RORA: variants seen among roughly 807,000 people sequenced by gnomAD.
The protein encoded by RORA is RAR related orphan receptor A.
In RORA, 7 loss-of-function variants were observed where a neutral mutation model predicts 69.5. The observed-to-expected ratio is 0.10, with a 90% CI of 0.06 to 0.19. RORA has a LOEUF of 0.19. Ranked by LOEUF, RORA falls within the 10% of genes least tolerant of loss-of-function variation. The pLI, the probability that RORA is intolerant of heterozygous loss-of-function variation, is 1.00. For synonymous variants in RORA, 261 were observed against 240.8 expected (o/e 1.08, Z -0.78); for missense variants, 457 against 663.0 (o/e 0.69, Z 3.41).
At chr15:60,896,315 CA>C (rs1406504766) in intron 1 of RORA, among the ~76,000 whole-genome samples, 2 of 152,172 alleles carry the variant, frequency 1.3e-5, no homozygotes, top group Non-Finnish European at 2.9e-5. Flanking sequence ...TCGTTGGTAC[CA>C]ATCAATGGAA....
At chr15:61,112,498 C>A (rs1465646673) in intron 1 of RORA, among the ~76,000 whole-genome samples, 22 of 151,960 alleles carry the variant, frequency 1.4e-4, no homozygotes, top group Admixed American at 1.4e-3. Flanking sequence ...GGTTTGGAGG[C>A]AAAGACAGGA....
intron 2 of RORA, among the ~76,000 whole-genome samples, chr15:60,579,103 T>G (rs2068116555): frequency 6.9e-6 from 1 of 145,748 alleles, no homozygotes; most frequent in South Asian, 2.2e-4. Flanking sequence ...AACTGCACAG[T>G]AATGAAGAAT....
chr15:61,034,062 T>G (rs987704959), intron 1 of RORA, among the ~76,000 whole-genome samples: 3 of 152,238 alleles, frequency 2.0e-5, no homozygotes, highest in African/African-American at 7.2e-5. Flanking sequence ...AAATTACATA[T>G]GCCACTTCCA....
At chr15:61,093,625 T>C (rs8042259) in intron 1 of RORA, among the ~76,000 whole-genome samples, 94,227 of 152,088 alleles carry the variant, frequency 0.62, 29,364 homozygotes, top group East Asian at 0.71. Flanking sequence ...TAAGTAAGCA[T>C]GCTCATCTGG....
At chr15:60,903,292 T>A (rs1891442011) in intron 1 of RORA, among the ~76,000 whole-genome samples, 1 of 152,224 alleles carries the variant, frequency 6.6e-6, no homozygotes, top group Non-Finnish European at 1.5e-5. Flanking sequence ...ACTCTTCTCA[T>A]TGCAGCTTCA....
intron 1 of RORA, among the ~76,000 whole-genome samples, chr15:61,054,640 T>A (rs186221483): frequency 6.6e-6 from 1 of 152,284 alleles, no homozygotes; most frequent in East Asian, 1.9e-4. Context: ...AGTATATTAT[T>A]TTAGATACTC....
chr15:61,029,642 A>G (rs1896038324), intron 1 of RORA, among the ~76,000 whole-genome samples: 1 of 152,176 alleles, frequency 6.6e-6, no homozygotes, highest in Non-Finnish European at 1.5e-5. Context: ...AAGATGTGTA[A>G]GATGTTAAAT....
Position 60,491,398 on chromosome 15 carries a change from T to C in RORA, c.*6057A>G, listed in dbSNP as rs1309969000. 1 of 152,152 alleles carries C rather than the reference T, an allele frequency of 6.6e-6. No individual in the cohort carries two copies. Among genetic ancestry groups the C allele is most frequent in the Non-Finnish European group, 1.5e-5 (1 of 68,010 alleles). 9.4% of individuals were successfully genotyped at this position (152,152 alleles called of 1,614,324 possible). A position where few individuals can be genotyped will look rare whatever the true frequency, so the allele number is the denominator to read the frequency against. The stretch of plus-strand genomic sequence containing the variant: ...TAAAAGAAGTGTGGTACTGCTAATG[T>C]GGCAAAGTACATTAAATGTAAACAG... On this transcript the variant is annotated 3_prime_UTR_variant, in exon 11 of 11. Coordinates refer to ENST00000335670, the MANE Select transcript of RORA (RefSeq NM_134261.3).
chr15:60,899,226 T>C (rs565203922), intron 1 of RORA, among the ~76,000 whole-genome samples: 4 of 152,216 alleles, frequency 2.6e-5, no homozygotes, highest in Admixed American at 6.5e-5. Flanking sequence ...GAAGATCTCA[T>C]AGAAGTAACT....
At chr15:60,948,637 A>G (rs1442310510) in intron 1 of RORA, among the ~76,000 whole-genome samples, 1 of 152,242 alleles carries the variant, frequency 6.6e-6, no homozygotes, top group African/African-American at 2.4e-5. Context: ...TTAAAGATGA[A>G]AAAACTGAGG....
At chr15:60,580,676 C>A (rs2068166725) in intron 2 of RORA, among the ~76,000 whole-genome samples, 1 of 152,322 alleles carries the variant, frequency 6.6e-6, no homozygotes, top group East Asian at 1.9e-4. Flanking sequence ...CTGCAAAAAT[C>A]ACTATGCATT....
At chr15:61,104,473 C>A (rs998824809) in intron 1 of RORA, among the ~76,000 whole-genome samples, 4 of 152,142 alleles carry the variant, frequency 2.6e-5, no homozygotes, top group Admixed American at 6.5e-5. Context: ...TTTGTTACCA[C>A]CAGCTTTCAT....
chr15:60,567,190 T>TAA lies in RORA; in HGVS notation c.197-35341_197-35340dup, dbSNP rs796418607. 5.7e-5 allele frequency among the ~76,000 whole-genome samples: 8 copies of TAA among 139,162 alleles called. 1 individual carries two copies. In the South Asian group the frequency reaches 9.2e-4, roughly 16 times the overall value. The allele number at this position is 139,162 out of a possible 152,430, so 91.3% of individuals were successfully genotyped here. A position where few individuals can be genotyped will look rare whatever the true frequency, so the allele number is the denominator to read the frequency against. ...TAAAGTTCAGATTTATAGATTCTCTTAAAAAAAAAAAAAAGACCTGGTGAT... is the reference window on the plus strand; with the variant it reads ...TAAAGTTCAGATTTATAGATTCTCTTAAAAAAAAAAAAAAAAGACCTGGTGAT... On this transcript the variant is annotated intron_variant, in intron 2 of 10. Coordinates refer to ENST00000335670, the MANE Select transcript of RORA (RefSeq NM_134261.3).
intron 2 of RORA, among the ~76,000 whole-genome samples, chr15:60,660,311 A>C (rs758842575): frequency 4.6e-5 from 7 of 152,198 alleles, no homozygotes; most frequent in Admixed American, 2.0e-4. Context: ...AACTGGAAAA[A>C]TCTCAAGTAA....
chr15:60,516,381 G>T (rs1212078808), intron 3 of RORA, among the ~76,000 whole-genome samples: 1 of 144,938 alleles, frequency 6.9e-6, no homozygotes, highest in African/African-American at 2.6e-5. Context: ...TTACAGGCAT[G>T]ATCCACCTTT....
At chr15:60,897,977 T>C (rs560317676) in intron 1 of RORA, among the ~76,000 whole-genome samples, 1 of 152,334 alleles carries the variant, frequency 6.6e-6, no homozygotes, top group South Asian at 2.1e-4. Flanking sequence ...TCCTTCTAAG[T>C]CTATCCAGGA....
chr15:60,547,945 C>G (rs1300927155), intron 2 of RORA: 1 of 152,184 alleles, frequency 6.6e-6, no homozygotes, highest in African/African-American at 2.4e-5. Context: ...TACCTAATAA[C>G]ATAAATGACT....
At chr15:60,641,638 T>C (rs1290252430) in intron 2 of RORA, among the ~76,000 whole-genome samples, 1 of 152,082 alleles carries the variant, frequency 6.6e-6, no homozygotes, top group Non-Finnish European at 1.5e-5. Flanking sequence ...CTCGAACTCC[T>C]GACCTCAGGT....
At chr15:60,940,994 G>A (rs1892678263) in intron 1 of RORA, among the ~76,000 whole-genome samples, 1 of 152,108 alleles carries the variant, frequency 6.6e-6, no homozygotes, top group Non-Finnish European at 1.5e-5. Flanking sequence ...GTTGACCAAG[G>A]CAAATGGCCA....
Sources: allele counts gnomAD v4.1 joint callset (sites outside exome capture counted in the v4.1 genomes callset), GRCh38; gene constraint gnomAD v4.1.1; transcripts MANE v1.5; gene names NCBI Gene and HGNC (gene_info 2026-07-23, HGNC 2026-07-21).